The following NBEAL1 variants were observed in gnomAD, a reference collection of about 807,000 sequenced individuals.
The protein encoded by NBEAL1 is neurobeachin-like protein 1.
NBEAL1 carries 273 observed loss-of-function variants against 351.3 expected under a neutral mutation model. The observed-to-expected ratio is 0.78, with a 90% confidence interval of 0.70 to 0.86. The LOEUF (loss-of-function observed/expected upper bound fraction) is 0.86. Among genes scored for constraint, NBEAL1 ranks in the 40% least tolerant of loss-of-function variants. The pLI is 0.00. For synonymous variants in NBEAL1, 1,050 were observed against 1,086.4 expected, an observed-to-expected ratio of 0.97 and a Z score of 0.66; for missense variants, 2,961 against 3,201.3, an observed-to-expected ratio of 0.92 and a Z score of 1.81.
intron 10 of NBEAL1, among the ~76,000 whole-genome samples, chr2:203,086,484 T>G (rs1045893983): frequency 6.6e-6 from 1 of 152,240 alleles, no homozygotes; most frequent in Non-Finnish European, 1.5e-5. Context: ...TCTCTCAAAA[T>G]TTTCAAATTT....
chr2:203,043,308 G>A (rs2061172856), intron 3 of NBEAL1, among the ~76,000 whole-genome samples: 2 of 152,074 alleles, frequency 1.3e-5, no homozygotes, highest in African/African-American at 4.8e-5. Flanking sequence ...CCATTTCCCA[G>A]GCCCACTTTT....
intron 18 of NBEAL1, among the ~76,000 whole-genome samples, chr2:203,116,957 C>G (rs2062714026): frequency 6.6e-6 from 1 of 151,772 alleles, no homozygotes; most frequent in Non-Finnish European, 1.5e-5. Context: ...AAAAAATTAG[C>G]CAGGCTTGGT....
At chr2:203,092,604 T>G (rs1337498948) in intron 10 of NBEAL1, among the ~76,000 whole-genome samples, 1 of 152,114 alleles carries the variant, frequency 6.6e-6, no homozygotes, top group African/African-American at 2.4e-5. Context: ...CCATGTATCA[T>G]GATGGTATCA....
rs1452389567 is a variant in NBEAL1, at chr2:203,219,138, T to C, written c.*1784T>C. On this transcript the variant is annotated 3_prime_UTR_variant, in exon 56 of 56. Transcript: ENST00000683969. ...TTCACCCGTGGTGCCACCGTGGCTATCTTTTTTTTTATCTTACAGTTTTTT... is the reference window on the plus strand; with the variant it reads ...TTCACCCGTGGTGCCACCGTGGCTACCTTTTTTTTTATCTTACAGTTTTTT... 6.6e-6 allele frequency: 1 copy of C among 152,096 alleles called. No individual in the cohort carries two copies. The highest frequency in any genetic ancestry group is 2.4e-5 in the African/African-American group (1 of 41,414). 9.4% of individuals were successfully genotyped at this position (152,096 alleles called of 1,614,324 possible).
At chr2:203,099,828 G>A (rs1409159158) in intron 12 of NBEAL1, 116 bp downstream of exon 12, 2 of 662,700 alleles carry the variant, frequency 3.0e-6, no homozygotes, top group Non-Finnish European at 5.0e-6. Context: ...TTGGTGTACA[G>A]ATTATTTTGC....
Position 203,199,338 on chromosome 2 carries a change from A to T in NBEAL1, c.7129A>T (p.Ile2377Leu), listed in dbSNP as rs200102601. Residue 2377 changes from isoleucine (I) to leucine (L), a missense_variant and splice_region_variant, in exon 49 of 56, where the codon ATA becomes TTA. By Grantham distance (5) the Ile-to-Leu change is conservative. Transcript: ENST00000683969. ...FMSQGSPELL[I>L]TISMNYVIGT... ...TGAGTCTTCATATGTTCTTTTCCAG[A>T]TAACAATAAGCATGAATTATGTTAT... The T allele has an allele frequency of 2.6e-6, 4 of 1,540,858 alleles. No individual in the cohort carries two copies. The highest frequency in any genetic ancestry group is 3.6e-6 in the Non-Finnish European group (4 of 1,119,154).
At chr2:203,184,183 C>T (rs2064825644) in intron 44 of NBEAL1, among the ~76,000 whole-genome samples, 1 of 151,258 alleles carries the variant, frequency 6.6e-6, no homozygotes, top group Admixed American at 6.6e-5. Flanking sequence ...CTAATCCCAG[C>T]ACTGTGGGAG....
intron 49 of NBEAL1, among the ~76,000 whole-genome samples, chr2:203,200,406 G>C (rs984688955): frequency 3.9e-5 from 6 of 152,182 alleles, no homozygotes; most frequent in Non-Finnish European, 7.3e-5. Context: ...CCAGCTACTA[G>C]GGAGGCTGAG....
intron 27 of NBEAL1, among the ~76,000 whole-genome samples, chr2:203,133,473 A>G (rs939043569): frequency 6.6e-6 from 1 of 151,942 alleles, no homozygotes; most frequent in Admixed American, 6.6e-5. Flanking sequence ...AGAGTTTCTG[A>G]ATCTTTTGAA....
chr2:203,092,281 C>A (rs1385655039), intron 10 of NBEAL1, among the ~76,000 whole-genome samples: 3 of 151,842 alleles, frequency 2.0e-5, no homozygotes, highest in Admixed American at 1.3e-4. Flanking sequence ...CTAAGCTGGG[C>A]ATGGTGGCTC....
intron 4 of NBEAL1, among the ~76,000 whole-genome samples, chr2:203,053,882 T>G (rs2061364074): frequency 6.6e-6 from 1 of 152,204 alleles, no homozygotes; most frequent in Non-Finnish European, 1.5e-5. Flanking sequence ...TTAATAGTAT[T>G]TTGTAAAACA....
At chr2:203,172,677 T>C in intron 40 of NBEAL1, 52 bp from the exon 41 acceptor site, 1 of 1,535,530 alleles carries the variant, frequency 6.5e-7, no homozygotes, top group Non-Finnish European at 8.8e-7. Flanking sequence ...GATATGAGGA[T>C]ATTAGCTTCT....
At chr2:203,042,398 C>G (rs2061156530) in intron 3 of NBEAL1, among the ~76,000 whole-genome samples, 1 of 152,174 alleles carries the variant, frequency 6.6e-6, no homozygotes, top group Non-Finnish European at 1.5e-5. Context: ...CCCATGGAGT[C>G]AGGTGTGTTG....
chr2:203,125,490 T>C lies in NBEAL1; in HGVS notation c.2821T>C (p.Trp941Arg), dbSNP rs756332584. 3 of 1,527,482 alleles carry C rather than the reference T, an allele frequency of 2.0e-6. No homozygotes were observed. Among genetic ancestry groups the C allele is most frequent in the Admixed American group, 4.3e-5 (2 of 46,072 alleles). The allele number at this position is 1,527,482 out of a possible 1,614,324, so 94.6% of individuals were successfully genotyped here. The change falls in exon 20 of 56, where the codon TGG (tryptophan) becomes CGG (arginine). Residue 941 changes from tryptophan to arginine, a missense_variant. Coordinates refer to ENST00000683969, the MANE Select transcript of NBEAL1 (RefSeq NM_001378026.1). ...PESVTPVEGD[W>R]LVWTSTKASE... ...ATCAGTAACACCTGTTGAAGGAGAT[T>C]GGCTCGTATGGACTTCCACAAAGGC...
Position 203,107,917 on chromosome 2 carries a change from C to T in NBEAL1, c.1678C>T (p.Leu560=), listed in dbSNP as rs1245316694. 10 of 1,553,794 alleles carry T rather than the reference C, an allele frequency of 6.4e-6. No individual in the cohort carries two copies. Among genetic ancestry groups the T allele is most frequent in the Non-Finnish European group, 8.7e-6 (10 of 1,147,566 alleles). Residue 560 remains leucine, a synonymous_variant, in exon 14 of 56, where the codon CTA becomes TTA. Transcript: ENST00000683969. ...QSVSSEEIRR[L]LRLLRVDESE... is the part of the protein sequence containing the mutation. ...AGTGAGCTCAGAAGAAATCCGTCGA[C>T]TACTGAGATTGCTGAGAGTGGATGA...
chr2:203,116,435 A>C (rs1276290842), intron 18 of NBEAL1, among the ~76,000 whole-genome samples: 1 of 152,044 alleles, frequency 6.6e-6, no homozygotes, highest in Non-Finnish European at 1.5e-5. Context: ...GTAGCCAAAA[A>C]TTTTAAAAAA....
Position 203,130,460 on chromosome 2 carries a change from G to A in NBEAL1, c.3548G>A (p.Arg1183Lys). ...AATCAGAAGTACTCTGACAGACTAAGAGAAATCATTTTTAAGGTACAAACA... is the reference window on the plus strand; with the variant it reads ...AATCAGAAGTACTCTGACAGACTAAAAGAAATCATTTTTAAGGTACAAACA... ...LLNQKYSDRL[R>K]EIIFKIMEQM... The change falls in exon 25 of 56, where the codon AGA becomes AAA. Residue 1183 changes from arginine (R) to lysine (K), a missense_variant. Physicochemically the swap from Arg to Lys is conservative, Grantham distance 26 (BLOSUM62 2). Transcript: ENST00000683969. 1.4e-6 allele frequency: 2 copies of A among 1,432,418 alleles called. No homozygotes were observed. Among genetic ancestry groups the A allele is most frequent in the Non-Finnish European group, 1.8e-6 (2 of 1,096,614 alleles). The allele number at this position is 1,432,418 out of a possible 1,614,324, so 88.7% of individuals were successfully genotyped here.
chr2:203,061,180 A>G (rs912828036), intron 6 of NBEAL1: 1 of 152,134 alleles, frequency 6.6e-6, no homozygotes, highest in African/African-American at 2.4e-5. Context: ...TCTATTGTGA[A>G]CCCTTTTATG....
rs1039422288 is a variant in NBEAL1 at position 203,224,870 on chromosome 2, C to T, written c.*7516C>T. ...ATGTATAAATAATTTTGATTATTCT[C>T]ATTGTAGTTAAGTTACTGTTAGTTT... is the stretch of plus-strand genomic sequence containing the variant. On this transcript the variant is annotated 3_prime_UTR_variant, in exon 56 of 56. Coordinates refer to ENST00000683969, the MANE Select transcript of NBEAL1 (RefSeq NM_001378026.1). Among the ~76,000 whole-genome samples the T allele has an allele frequency of 3.3e-5, 5 of 152,128 alleles. No individual in the cohort carries two copies. Among genetic ancestry groups the T allele is most frequent in the African/African-American group, 7.2e-5 (3 of 41,446 alleles).
Sources: gnomAD v4.1 joint callset for allele counts (sites outside exome capture counted in the v4.1 genomes callset) on GRCh38, gnomAD v4.1.1 for gene constraint, MANE v1.5 for transcripts, NCBI Gene and HGNC (gene_info 2026-07-23, HGNC 2026-07-21) for gene names.